The following KNTC1 variants were observed in gnomAD, a reference collection of about 807,000 sequenced individuals.
The protein encoded by KNTC1 is kinetochore-associated protein 1.
Under a neutral mutation model 314.4 loss-of-function variants are expected in KNTC1, and 253 were observed. That is an observed-to-expected ratio of 0.80 (90% CI 0.73 to 0.89). The LOEUF is 0.89. Among genes scored for constraint, KNTC1 ranks in the 40% least tolerant of loss-of-function variants. The probability of loss-of-function intolerance (pLI) is 0.00; values close to 1 mark genes in which losing one functional copy is unlikely to be tolerated. For missense variants in KNTC1, 2,475 were observed against 2,572.9 expected (o/e 0.96, Z 0.82); for synonymous variants, 901 against 901.4 (o/e 1.00, Z 0.01).
At chr12:122,602,316 C>T (rs967209573) in intron 45 of KNTC1, 10 of 305,730 alleles carry the variant, frequency 3.3e-5, no homozygotes, top group African/African-American at 2.2e-4. Context: ...AACTGTCAAG[C>T]TCTTATTTAC....
rs772587010 is a variant in KNTC1, at chr12:122,575,883, TAAAC to T, written c.2573_2576del (p.Asn858ArgfsTer3). 47 of 1,611,662 alleles carry T rather than the reference TAAAC, an allele frequency of 2.9e-5. No homozygotes were observed. Among genetic ancestry groups the T allele is most frequent in the Non-Finnish European group, 3.8e-5 (45 of 1,179,318 alleles). ...TATGGAATAAGAGAGGTAAATCTCT[TAAAC>T]AAGGAAATAATGGTAAGTACACTCT... On this transcript the variant is annotated frameshift_variant, in exon 29 of 64. Transcript: ENST00000333479. LOFTEE classifies it high-confidence loss of function.
chr12:122,619,707 C>T (rs796474085), intron 59 of KNTC1, among the ~76,000 whole-genome samples: 6 of 152,218 alleles, frequency 3.9e-5, no homozygotes, highest in African/African-American at 1.4e-4. Flanking sequence ...CCACCGCGCC[C>T]GGCCAACACT....
rs1261576734 is a variant in KNTC1 at position 122,597,947 on chromosome 12, A to T, written c.4563+9A>T. 1 of 1,609,850 alleles carries T rather than the reference A, an allele frequency of 6.2e-7. No individual in the cohort carries two copies. Among genetic ancestry groups the T allele is most frequent in the East Asian group, 2.2e-5 (1 of 44,864 alleles). ...GTGGAATACTACATAAGGTAGACAC[A>T]CAGTGAAATGAATCGGGTCATCTCA... is the stretch of plus-strand genomic sequence containing the variant. On this transcript the variant is annotated intron_variant, in intron 44 of 63. Transcript: ENST00000333479.
intron 3 of KNTC1, among the ~76,000 whole-genome samples, chr12:122,538,077 G>T (rs1255644610): frequency 6.6e-6 from 1 of 152,172 alleles, no homozygotes; most frequent in Non-Finnish European, 1.5e-5. Context: ...AGTCTAGGGT[G>T]CAGTGAACTG....
At position 122,551,534 on chromosome 12, in the gene KNTC1, A is replaced by ATT. The variant is rs771326049; in HGVS notation, c.1196+19_1196+20dup. The ATT allele has an allele frequency of 1.9e-6, 3 of 1,592,052 alleles. No homozygotes were observed. The highest frequency in any genetic ancestry group is 2.6e-6 in the Non-Finnish European group (3 of 1,163,148). ...TTTACCAGAAAACAGGTAACTTCTC[A>ATT]TTTTTTTTTAAGCTTTATCCTTTAG... is the stretch of plus-strand genomic sequence containing the variant. On this transcript the variant is annotated intron_variant, in intron 15 of 63. Transcript: ENST00000333479.
intron 55 of KNTC1, 101 bp downstream of exon 55, chr12:122,613,862 A>T (rs1873457530): frequency 7.8e-7 from 1 of 1,277,312 alleles, no homozygotes; most frequent in South Asian, 1.8e-5. Flanking sequence ...GTTGTTGGGG[A>T]CAGAGTTTTG....
intron 13 of KNTC1, among the ~76,000 whole-genome samples, chr12:122,550,665 G>A (rs1449915175): frequency 6.6e-6 from 1 of 151,984 alleles, no homozygotes; most frequent in Non-Finnish European, 1.5e-5. Context: ...ACCAGGCCTG[G>A]CTAATTTTTA....
chr12:122,609,039 A>G (rs969624074), intron 51 of KNTC1, among the ~76,000 whole-genome samples: 10 of 152,192 alleles, frequency 6.6e-5, no homozygotes, highest in East Asian at 5.8e-4. Context: ...AGCCTGAGTG[A>G]CAGAGCAAGA....
intron 24 of KNTC1, 139 bp from the exon 25 acceptor site, chr12:122,572,797 AT>A (rs1482139671): frequency 5.0e-6 from 3 of 601,280 alleles, no homozygotes; most frequent in Non-Finnish European, 8.6e-6. Context: ...AATTTAGAGC[AT>A]AAGTTGGTTT....
In KNTC1 at chr12:122,622,556, T is replaced by C; in HGVS notation, c.6464T>C (p.Met2155Thr). Residue 2155 changes from methionine (M) to threonine (T), a missense_variant, in exon 62 of 64, where the codon ATG becomes ACG. Coordinates refer to ENST00000333479, the MANE Select transcript of KNTC1 (RefSeq NM_014708.6). ...TTTCAAATGTTGAAGATGCATGCGA[T>C]GAATACCAACAATATCACTGAGCTA... The part of the protein sequence containing the change: ...KYFQMLKMHA[M>T]NTNNITELVN... 1 of 1,571,596 alleles carries C rather than the reference T, an allele frequency of 6.4e-7. No individual in the cohort carries two copies. The highest frequency in any genetic ancestry group is 8.6e-7 in the Non-Finnish European group (1 of 1,157,174).
intron 22 of KNTC1, among the ~76,000 whole-genome samples, chr12:122,570,512 CAAA>C (rs572070934): frequency 2.9e-5 from 3 of 102,300 alleles, no homozygotes; most frequent in Admixed American, 1.1e-4. Context: ...AACCCTGTCT[CAAA>C]AAAAAAAAAA....
rs377224361 is a variant in KNTC1 at position 122,552,515 on chromosome 12, C to A, written c.1272+819C>A. Among the ~76,000 whole-genome samples the A allele has an allele frequency of 3.3e-3, 497 of 152,198 alleles. 5 individuals are homozygous for A. The South Asian group carries it at 0.033, about 10-fold the overall frequency. On this transcript the variant is annotated intron_variant, in intron 16 of 63. Transcript: ENST00000333479. The stretch of plus-strand genomic sequence containing the variant: ...AAGTGGCTGGGACTATAGTTGCATA[C>A]CACCATGCCCAACTAATTTTTAAAT...
At chr12:122,567,703 T>C (rs1007687683) in intron 20 of KNTC1, among the ~76,000 whole-genome samples, 1 of 151,920 alleles carries the variant, frequency 6.6e-6, no homozygotes, top group Non-Finnish European at 1.5e-5. Flanking sequence ...CCAGGCATGG[T>C]GGTGCATGCC....
chr12:122,608,344 G>A (rs1872752908), intron 51 of KNTC1, among the ~76,000 whole-genome samples: 1 of 152,152 alleles, frequency 6.6e-6, no homozygotes. Context: ...TGCCCAGGCT[G>A]ATCTCGAACT....
chr12:122,582,132 G>T (rs1868489193), intron 33 of KNTC1, among the ~76,000 whole-genome samples: 1 of 152,086 alleles, frequency 6.6e-6, no homozygotes, highest in African/African-American at 2.4e-5. Flanking sequence ...AAAACCATCT[G>T]GAGGCCGGGT....
intron 29 of KNTC1, among the ~76,000 whole-genome samples, chr12:122,576,551 T>C (rs1965036036): frequency 6.6e-6 from 1 of 152,060 alleles, no homozygotes; most frequent in African/African-American, 2.4e-5. Context: ...TGTGGTGGCA[T>C]GTGCCTGTAG....
chr12:122,571,028 A>T lies in KNTC1; in HGVS notation c.1921A>T (p.Asn641Tyr). 6.2e-7 allele frequency: 1 copy of T among 1,613,188 alleles called. No homozygotes were observed. The highest frequency in any genetic ancestry group is 8.5e-7 in the Non-Finnish European group (1 of 1,179,318). The change falls in exon 24 of 64, where the codon AAT becomes TAT. Residue 641 changes from asparagine (N) to tyrosine (Y), a missense_variant. By Grantham distance (143) the Asn-to-Tyr change is moderately radical. Coordinates refer to ENST00000333479, the MANE Select transcript of KNTC1 (RefSeq NM_014708.6). ...ARNLELTDKA[N>Y]WPENGLQLAE... Reference sequence around the variant, plus strand: ...CTGTCTGTAATCTTTTTTAAAGGCAAATTGGCCAGAAAATGGACTTCAATT... The same window carrying T: ...CTGTCTGTAATCTTTTTTAAAGGCATATTGGCCAGAAAATGGACTTCAATT...
intron 30 of KNTC1, among the ~76,000 whole-genome samples, chr12:122,577,441 G>A (rs1374718352): frequency 6.6e-6 from 1 of 152,036 alleles, no homozygotes; most frequent in East Asian, 1.9e-4. Context: ...AGGTTGATGG[G>A]TACAGCAAAC....
At chr12:122,576,837 G>T in intron 29 of KNTC1, 58 bp from the exon 30 acceptor site, 5 of 1,392,376 alleles carry the variant, frequency 3.6e-6, no homozygotes, top group Non-Finnish European at 3.8e-6. Flanking sequence ...ATAAGCAAGT[G>T]ATTTCTTGGT....
Sources: gnomAD v4.1 joint callset for allele counts (sites outside exome capture counted in the v4.1 genomes callset) on GRCh38, gnomAD v4.1.1 for gene constraint, MANE v1.5 for transcripts, NCBI Gene and HGNC (gene_info 2026-07-23, HGNC 2026-07-21) for gene names.